NETO1: variants seen among roughly 807,000 people sequenced by gnomAD.
NETO1 encodes neuropilin and tolloid like 1.
A neutral mutation model predicts 61.3 loss-of-function variants in NETO1; 26 were observed. The ratio of observed to expected loss-of-function variants is 0.42; its 90% CI spans 0.31 to 0.59. The LOEUF is 0.59. Among genes scored for constraint, NETO1 ranks in the 20% least tolerant of loss-of-function variants. The probability of loss-of-function intolerance (pLI) is 0.12; values close to 1 mark genes in which losing one functional copy is unlikely to be tolerated. For missense variants in NETO1, 531 were observed against 662.8 expected, an observed-to-expected ratio of 0.80 and a Z score of 2.18; for synonymous variants, 225 against 225.8, an observed-to-expected ratio of 1.00 and a Z score of 0.03.
rs201547504 is a variant in NETO1, at chr18:72,867,256, G to A, written c.28+8C>T. The stretch of plus-strand genomic sequence containing the variant: ...GGAGCGCACGGGCGCGGCGGGGAGG[G>A]TACTCACTGTGAAGCACGCTGCGCC... On this transcript the variant is annotated splice_region_variant and intron_variant, in intron 1 of 10. Transcript: ENST00000327305. 4.0e-3 allele frequency: 6,226 copies of A among 1,553,130 alleles called. 20 individuals carry two copies. Among genetic ancestry groups the A allele is most frequent in the Non-Finnish European group, 4.5e-3 (5,223 of 1,148,896 alleles).
chr18:72,815,751 T>C (rs2073012129), intron 4 of NETO1, among the ~76,000 whole-genome samples: 1 of 151,992 alleles, frequency 6.6e-6, no homozygotes, highest in Non-Finnish European at 1.5e-5. Context: ...TGGCATAGAT[T>C]TTGGACTGAG....
chr18:72,853,651 A>G (rs4892051), intron 4 of NETO1, among the ~76,000 whole-genome samples: 149,134 of 151,818 alleles, frequency 0.98, 73,258 homozygotes, highest in East Asian at 1. Context: ...CCAGCTACTC[A>G]GGAGACTGAG....
intron 7 of NETO1, among the ~76,000 whole-genome samples, chr18:72,769,529 A>G (rs1376700412): frequency 2.0e-5 from 3 of 152,216 alleles, no homozygotes; most frequent in Admixed American, 6.5e-5. Context: ...ATCTTTTCAG[A>G]AATTCCTATT....
intron 4 of NETO1, among the ~76,000 whole-genome samples, chr18:72,803,535 T>C (rs2072574535): frequency 6.6e-6 from 1 of 152,126 alleles, no homozygotes; most frequent in African/African-American, 2.4e-5. Context: ...CTTAAAATAC[T>C]CTCCTGGCCA....
intron 4 of NETO1, among the ~76,000 whole-genome samples, chr18:72,826,773 A>G (rs1194380247): frequency 6.6e-6 from 1 of 152,290 alleles, no homozygotes; most frequent in South Asian, 2.1e-4. Flanking sequence ...ACAACTCAGG[A>G]AACTGTCTGA....
Position 72,823,150 on chromosome 18 carries a change from T to C in NETO1, c.470-28746A>G, listed in dbSNP as rs143556645. Reference sequence around the variant, plus strand: ...CCATTTGTTTGTTACTTAATAAATATTTATTGGCTGTTTTCCGTATTCCAG... The same window carrying C: ...CCATTTGTTTGTTACTTAATAAATACTTATTGGCTGTTTTCCGTATTCCAG... On this transcript the variant is annotated intron_variant, in intron 4 of 10. Coordinates refer to ENST00000327305, the MANE Select transcript of NETO1 (RefSeq NM_138966.5). Among the ~76,000 whole-genome samples, 3 of 152,314 alleles carry C rather than the reference T, an allele frequency of 2.0e-5. No individual in the cohort carries two copies. The East Asian group carries it at 5.8e-4, about 29-fold the overall frequency.
chr18:72,849,395 T>C lies in NETO1; in HGVS notation c.469+9431A>G, dbSNP rs543092356. Among the ~76,000 whole-genome samples, 126 of 152,324 alleles carry C rather than the reference T, an allele frequency of 8.3e-4. 1 individual carries two copies. The South Asian group carries it at 0.023, about 28-fold the overall frequency. On this transcript the variant is annotated intron_variant, in intron 4 of 10. Coordinates refer to ENST00000327305, the MANE Select transcript of NETO1 (RefSeq NM_138966.5). ...ACTTCATACTTCCACAAATAGTCTGTTGATGAAGATTTAGGTATTCTTTAA... is the reference window on the plus strand; with the variant it reads ...ACTTCATACTTCCACAAATAGTCTGCTGATGAAGATTTAGGTATTCTTTAA...
chr18:72,755,733 GAAAGTAGT>G (rs2070761653), intron 8 of NETO1, among the ~76,000 whole-genome samples: 1 of 152,038 alleles, frequency 6.6e-6, no homozygotes, highest in African/African-American at 2.4e-5. Context: ...CACATGACAG[GAAAGTAGT>G]GTGCTCCCCT....
intron 7 of NETO1, among the ~76,000 whole-genome samples, chr18:72,760,427 T>C (rs1053062662): frequency 2.6e-5 from 4 of 152,156 alleles, no homozygotes; most frequent in African/African-American, 9.7e-5. Context: ...CAGCCTGGGA[T>C]TGAAGAGTCC....
At chr18:72,843,617 T>C (rs1408549929) in intron 4 of NETO1, among the ~76,000 whole-genome samples, 2 of 152,112 alleles carry the variant, frequency 1.3e-5, no homozygotes, top group East Asian at 3.9e-4. Flanking sequence ...CTTTCAGAAA[T>C]AGACCAAGAA....
chr18:72,825,320 G>T (rs2073340771), intron 4 of NETO1, among the ~76,000 whole-genome samples: 1 of 152,132 alleles, frequency 6.6e-6, no homozygotes, highest in African/African-American at 2.4e-5. Context: ...TTTGATAATT[G>T]TTTTCCTAAA....
In NETO1 at chr18:72,759,288, C is replaced by T. The variant is rs527813565; in HGVS notation, c.869-3141G>A. ...TATAAACCTGTCTTAAACAGTCTTA[C>T]AATATTATTCCAATCTATCAGAAAA... On this transcript the variant is annotated intron_variant, in intron 7 of 10. Transcript: ENST00000327305. Among the ~76,000 whole-genome samples, 43 of 152,298 alleles carry T rather than the reference C, an allele frequency of 2.8e-4. 1 individual carries two copies. In the South Asian group the frequency reaches 8.9e-3, roughly 32 times the overall value.
intron 4 of NETO1, among the ~76,000 whole-genome samples, chr18:72,851,201 C>T (rs1484274217): frequency 1.3e-5 from 2 of 152,038 alleles, no homozygotes; most frequent in African/African-American, 2.4e-5. Context: ...CACCTGAGGT[C>T]GGGAGTTCGA....
intron 4 of NETO1, 29 bp downstream of exon 4, chr18:72,858,797 A>G: frequency 6.4e-7 from 1 of 1,565,344 alleles, no homozygotes; most frequent in Non-Finnish European, 8.6e-7. Flanking sequence ...AGGAAGAAAA[A>G]GAAATTTTTT....
intron 7 of NETO1, among the ~76,000 whole-genome samples, chr18:72,760,484 G>A (rs1248748405): frequency 2.0e-5 from 3 of 152,156 alleles, no homozygotes; most frequent in Non-Finnish European, 4.4e-5. Context: ...TGTCAGGAGC[G>A]ATAATCCTTA....
At chr18:72,834,474 T>C in intron 4 of NETO1, 1 of 980,754 alleles carries the variant, frequency 1.0e-6, no homozygotes, top group Non-Finnish European at 1.2e-6. Context: ...AGCAATTTCA[T>C]TTTTAAATTA....
At chr18:72,829,436 T>C (rs1052443252) in intron 4 of NETO1, among the ~76,000 whole-genome samples, 4 of 152,222 alleles carry the variant, frequency 2.6e-5, no homozygotes, top group African/African-American at 9.6e-5. Context: ...TTATTCAATC[T>C]TATTATGATA....
intron 4 of NETO1, among the ~76,000 whole-genome samples, chr18:72,820,385 ATG>A (rs2073154205): frequency 6.6e-6 from 1 of 152,240 alleles, no homozygotes; most frequent in African/African-American, 2.4e-5. Context: ...AAAATCAATG[ATG>A]GAATATACAA....
intron 7 of NETO1, among the ~76,000 whole-genome samples, chr18:72,756,576 T>C (rs1328967400): frequency 6.6e-6 from 1 of 152,102 alleles, no homozygotes. Flanking sequence ...CAAGTACTAA[T>C]GAATAACATA....
Sources: gnomAD v4.1 joint callset for allele counts (sites outside exome capture counted in the v4.1 genomes callset) on GRCh38, gnomAD v4.1.1 for gene constraint, MANE v1.5 for transcripts, NCBI Gene and HGNC (gene_info 2026-07-23, HGNC 2026-07-21) for gene names.